The following LRGUK variants were observed in gnomAD, a reference collection of about 807,000 sequenced individuals.
LRGUK encodes the protein leucine-rich repeat and guanylate kinase domain-containing protein.
In LRGUK, 65 loss-of-function variants were observed where a neutral mutation model predicts 76.0. The observed-to-expected ratio is 0.85, with a 90% CI of 0.70 to 1.05. The LOEUF (loss-of-function observed/expected upper bound fraction) is 1.05. LRGUK is among the 50% of genes least tolerant of loss of function. The pLI is 0.00. For synonymous variants in LRGUK, 268 were observed against 265.6 expected (o/e 1.01, Z -0.09); for missense variants, 758 against 732.8 (o/e 1.03, Z -0.40).
chr7:134,138,499 G>C (rs1296016026), intron 2 of LRGUK, among the ~76,000 whole-genome samples: 1 of 151,806 alleles, frequency 6.6e-6, no homozygotes, highest in African/African-American at 2.4e-5. Flanking sequence ...AAAGTCATAA[G>C]TTTCTTAAGG....
downstream of LRGUK, among the ~76,000 whole-genome samples, chr7:134,212,634 G>C (rs1275131627): frequency 6.6e-6 from 1 of 152,168 alleles, no homozygotes; most frequent in Non-Finnish European, 1.5e-5. Flanking sequence ...TACAGTAATT[G>C]TAGAAAATAT....
At position 134,199,982 on chromosome 7, in the gene LRGUK, T is replaced by TTATATA. The variant is rs71172442; in HGVS notation, c.1747+603_1747+608dup. Among the ~76,000 whole-genome samples, 254 of 38,382 alleles carry TTATATA rather than the reference T, an allele frequency of 6.6e-3. 2 individuals carry two copies. Among genetic ancestry groups the TTATATA allele is most frequent in the Non-Finnish European group, 9.0e-3 (181 of 20,126 alleles). 25.2% of individuals were successfully genotyped at this position (38,382 alleles called of 152,430 possible). A position where few individuals can be genotyped will look rare whatever the true frequency, so the allele number is the denominator to read the frequency against. Reference sequence around the variant, plus strand: ...TTCTATAGATATATTCTAGAAACTTTTATATATATATATATATATATATAT... The same window carrying TTATATA: ...TTCTATAGATATATTCTAGAAACTTTTATATATATATATATATATATATATATATAT... On this transcript the variant is annotated intron_variant, in intron 14 of 15. Transcript: ENST00000645682.
At chr7:134,245,609 G>A (rs1993058) in intron 16 of LRGUK, among the ~76,000 whole-genome samples, 51,570 of 151,992 alleles carry the variant, frequency 0.34, 10,766 homozygotes, top group South Asian at 0.49. Flanking sequence ...TTTTTATGTG[G>A]AATTCTAGAA....
chr7:134,137,930 T>C (rs536867468), intron 2 of LRGUK, among the ~76,000 whole-genome samples: 2 of 152,332 alleles, frequency 1.3e-5, no homozygotes, highest in African/African-American at 2.4e-5. Context: ...ACTATAAGCC[T>C]GTTCTATCTT....
chr7:134,231,495 C>T (rs1724845310), intron 16 of LRGUK, among the ~76,000 whole-genome samples: 1 of 150,418 alleles, frequency 6.6e-6, no homozygotes, highest in Non-Finnish European at 1.5e-5. Context: ...TCCATTCCTT[C>T]CTTCCTTCGT....
intron 10 of LRGUK, among the ~76,000 whole-genome samples, chr7:134,179,415 T>TA (rs1317969631): frequency 6.6e-6 from 1 of 152,240 alleles, no homozygotes; most frequent in Non-Finnish European, 1.5e-5. Context: ...TTTGCTCCTG[T>TA]ACTTCACATG....
At chr7:134,214,471 A>G (rs901040614), downstream of LRGUK, among the ~76,000 whole-genome samples, 5 of 152,232 alleles carry the variant, frequency 3.3e-5, no homozygotes, top group Non-Finnish European at 7.3e-5. Flanking sequence ...TTTTTATGAT[A>G]AAATCTAGAA....
chr7:134,205,982 T>A (rs1800985320), intron 15 of LRGUK, among the ~76,000 whole-genome samples: 1 of 152,230 alleles, frequency 6.6e-6, no homozygotes, highest in Admixed American at 6.5e-5. Context: ...TTTATGTTGC[T>A]AATTTATAAC....
At chr7:134,203,939 C>T (rs74347385) in intron 15 of LRGUK, among the ~76,000 whole-genome samples, 3,865 of 152,300 alleles carry the variant, frequency 0.025, 69 homozygotes, top group Non-Finnish European at 0.038. Context: ...TTGGTCCCAT[C>T]GGGTGGACCT....
chr7:134,172,614 G>A (rs974218107), intron 7 of LRGUK, among the ~76,000 whole-genome samples: 3 of 152,190 alleles, frequency 2.0e-5, no homozygotes, highest in Non-Finnish European at 2.9e-5. Context: ...AGTGCACATG[G>A]CCACAACTTG....
chr7:134,132,240 A>G (rs1797343323), intron 1 of LRGUK, among the ~76,000 whole-genome samples: 1 of 152,192 alleles, frequency 6.6e-6, no homozygotes, highest in African/African-American at 2.4e-5. Flanking sequence ...CTGTAGTCCC[A>G]GCTACTTGTG....
At chr7:134,158,131 A>G (rs540938419) in exon 6 of LRGUK, 2 of 1,612,970 alleles carry the variant, frequency 1.2e-6, no homozygotes, top group South Asian at 1.1e-5. Flanking sequence ...AATGGCTTAA[A>G]CAAGTTACCA....
At chr7:134,268,717 C>CTTTTTTTTTTTTTTTTTTTTTTTT (rs71531815), downstream of LRGUK, among the ~76,000 whole-genome samples, 1 of 57,324 alleles carries the variant, frequency 1.7e-5, no homozygotes, top group African/African-American at 7.0e-5. Flanking sequence ...TGCAAAAAAT[C>CTTTTTTTTTTTTTTTTTTTTTTTT]TTTTTTTTTT....
At chr7:134,129,468 C>A in intron 1 of LRGUK, among the ~76,000 whole-genome samples, 1 of 114,756 alleles carries the variant, frequency 8.7e-6, no homozygotes. Context: ...CCCTCCTCTC[C>A]TCTTCTCTCC....
intron 3 of LRGUK, among the ~76,000 whole-genome samples, chr7:134,142,258 A>G (rs17167488): frequency 0.13 from 19,695 of 152,198 alleles, 1,590 homozygotes; most frequent in East Asian, 0.32. Flanking sequence ...AGGACTTACT[A>G]GTAGAGACAG....
At chr7:134,150,550 A>C (rs1798176955) in intron 5 of LRGUK, among the ~76,000 whole-genome samples, 1 of 151,790 alleles carries the variant, frequency 6.6e-6, no homozygotes, top group South Asian at 2.1e-4. Flanking sequence ...AACTCTTGCT[A>C]GCCAGAAAGA....
At chr7:134,226,124 G>T (rs1801735151) in intron 16 of LRGUK, among the ~76,000 whole-genome samples, 1 of 151,994 alleles carries the variant, frequency 6.6e-6, no homozygotes, top group Non-Finnish European at 1.5e-5. Context: ...GCTTTTTGGT[G>T]TCTTAAGTGT....
rs184505853 is a variant in LRGUK, at chr7:134,205,046, A to T, written c.1843+3470A>T. Among the ~76,000 whole-genome samples the T allele has an allele frequency of 3.3e-5, 5 of 152,306 alleles. No homozygotes were observed. In the East Asian group the frequency reaches 5.8e-4, roughly 18 times the overall value. On this transcript the variant is annotated intron_variant, in intron 15 of 15. Coordinates refer to ENST00000645682, the Ensembl canonical transcript of LRGUK. ...AAGGTTTAGTGTTAACAGCGAAAGGACAAAGTGTCCACAGCATGGAAGGGG... is the reference window on the plus strand; with the variant it reads ...AAGGTTTAGTGTTAACAGCGAAAGGTCAAAGTGTCCACAGCATGGAAGGGG...
Position 134,167,825 on chromosome 7 carries a change from A to G in LRGUK, c.939+4285A>G, listed in dbSNP as rs1799061024. Among the ~76,000 whole-genome samples, 3 of 152,152 alleles carry G rather than the reference A, an allele frequency of 2.0e-5. No individual in the cohort carries two copies. The South Asian group carries it at 6.2e-4, about 32-fold the overall frequency. ...AGCCTCTGGCAAACTCTCATGAAAAAAGGCCTCTGACCCCGTCTGGCCTCT... is the reference window on the plus strand; with the variant it reads ...AGCCTCTGGCAAACTCTCATGAAAAGAGGCCTCTGACCCCGTCTGGCCTCT... On this transcript the variant is annotated intron_variant, in intron 7 of 15. Coordinates refer to ENST00000645682, the Ensembl canonical transcript of LRGUK.
Sources: allele counts gnomAD v4.1 joint callset (sites outside exome capture counted in the v4.1 genomes callset), GRCh38; gene constraint gnomAD v4.1.1; transcripts MANE v1.5; gene names NCBI Gene and HGNC (gene_info 2026-07-23, HGNC 2026-07-21).